SLC39A11: variants seen among roughly 807,000 people sequenced by gnomAD.
SLC39A11 encodes zinc transporter ZIP11.
A neutral mutation model predicts 36.1 loss-of-function variants in SLC39A11; 33 were observed. The ratio of observed to expected loss-of-function variants is 0.91; its 90% CI spans 0.69 to 1.22. The LOEUF (loss-of-function observed/expected upper bound fraction) is 1.22, where lower values mean the gene tolerates loss of function less well. Ranked by LOEUF, SLC39A11 falls within the 50% of genes most tolerant of loss-of-function variation. SLC39A11 has a pLI of 0.00. For missense variants in SLC39A11, 432 were observed against 430.3 expected (o/e 1.00, Z -0.03); for synonymous variants, 166 against 170.3 (o/e 0.97, Z 0.20).
chr17:72,820,300 C>G (rs2077724324), intron 6 of SLC39A11, among the ~76,000 whole-genome samples: 2 of 151,360 alleles, frequency 1.3e-5, no homozygotes, highest in South Asian at 4.2e-4. Flanking sequence ...GTTGTGCCCC[C>G]AGGGTCACAT....
intron 4 of SLC39A11, among the ~76,000 whole-genome samples, chr17:72,959,325 GTATATATATATATATATA>G (rs1186282631): frequency 3.1e-5 from 2 of 65,548 alleles, no homozygotes; most frequent in African/African-American, 1.4e-4. Flanking sequence ...GTGTGTGTGT[GTATATATATATATATATA>G]TATATATATA....
At chr17:72,725,957 G>A (rs2073914337) in intron 7 of SLC39A11, among the ~76,000 whole-genome samples, 1 of 152,232 alleles carries the variant, frequency 6.6e-6, no homozygotes, top group African/African-American at 2.4e-5. Context: ...TGGGGACAGT[G>A]GGATCAAGAT....
At chr17:72,944,091 A>T (rs2085278462) in intron 5 of SLC39A11, among the ~76,000 whole-genome samples, 1 of 152,184 alleles carries the variant, frequency 6.6e-6, no homozygotes. Context: ...CAATCAGATC[A>T]CACCTCATTA....
At chr17:73,031,467 A>G in intron 4 of SLC39A11, 89 bp downstream of exon 4, 1 of 1,396,150 alleles carries the variant, frequency 7.2e-7, no homozygotes, top group African/African-American at 1.4e-5. Flanking sequence ...AGAGACATTA[A>G]CAGGTATGTC....
At chr17:72,729,447 A>T (rs1321016460) in intron 7 of SLC39A11, among the ~76,000 whole-genome samples, 1,506 of 3,960 alleles carry the variant, frequency 0.38, 252 homozygotes, top group Non-Finnish European at 0.41. Context: ...ATATATATAT[A>T]TATATATATA....
chr17:73,057,198 T>C (rs1282094404), intron 3 of SLC39A11, among the ~76,000 whole-genome samples: 1 of 152,156 alleles, frequency 6.6e-6, no homozygotes, highest in East Asian at 1.9e-4. Flanking sequence ...ACTCCTGGGC[T>C]CAAGCCACGC....
chr17:72,938,541 A>C (rs2084909966), intron 5 of SLC39A11, among the ~76,000 whole-genome samples: 1 of 152,192 alleles, frequency 6.6e-6, no homozygotes, highest in African/African-American at 2.4e-5. Flanking sequence ...CCAAGCACTC[A>C]AAACCAACGT....
At chr17:72,890,468 AAG>A (rs1031532124) in intron 5 of SLC39A11, among the ~76,000 whole-genome samples, 1 of 152,162 alleles carries the variant, frequency 6.6e-6, no homozygotes, top group Non-Finnish European at 1.5e-5. Flanking sequence ...AGAAAAGGAA[AAG>A]AGAGAAATGA....
At chr17:72,861,657 T>TTATATATATATATATATATATATATA (rs373265286) in intron 5 of SLC39A11, among the ~76,000 whole-genome samples, 8 of 50,954 alleles carry the variant, frequency 1.6e-4, no homozygotes, top group East Asian at 1.5e-3. Flanking sequence ...ATACAACACA[T>TTATATATATATATATATATATATATA]TATATATATA....
intron 4 of SLC39A11, among the ~76,000 whole-genome samples, chr17:72,952,091 C>T (rs1188326503): frequency 1.3e-5 from 2 of 152,100 alleles, no homozygotes; most frequent in South Asian, 2.1e-4. Context: ...CCATGTGCTC[C>T]CTCCAACATT....
chr17:72,898,215 G>A (rs986173463), intron 5 of SLC39A11, among the ~76,000 whole-genome samples: 26 of 152,274 alleles, frequency 1.7e-4, no homozygotes, highest in South Asian at 8.3e-4. Context: ...ACATAGACAC[G>A]TGGAAGGAAA....
intron 6 of SLC39A11, among the ~76,000 whole-genome samples, chr17:72,822,846 C>A (rs1055646273): frequency 6.6e-6 from 1 of 151,058 alleles, no homozygotes; most frequent in African/African-American, 2.4e-5. Flanking sequence ...TCCCAAGTAG[C>A]TGGGACCACA....
intron 4 of SLC39A11, among the ~76,000 whole-genome samples, chr17:72,955,433 G>GT (rs922767925): frequency 6.1e-5 from 9 of 148,650 alleles, no homozygotes; most frequent in Non-Finnish European, 1.0e-4. Flanking sequence ...CTCTCGAGTA[G>GT]TTGGGACTAC....
intron 7 of SLC39A11, among the ~76,000 whole-genome samples, chr17:72,689,602 T>C (rs1183311997): frequency 2.0e-5 from 3 of 152,230 alleles, no homozygotes; most frequent in Non-Finnish European, 2.9e-5. Flanking sequence ...GAGAATATTA[T>C]TCAGCCGAGA....
chr17:72,837,958 G>A, intron 6 of SLC39A11: 1 of 1,230,564 alleles, frequency 8.1e-7, no homozygotes, highest in African/African-American at 1.6e-5. Flanking sequence ...CAAAGAGTGT[G>A]GGGTTTCTTT....
intron 3 of SLC39A11, among the ~76,000 whole-genome samples, chr17:73,062,138 A>C (rs910723978): frequency 3.3e-5 from 5 of 151,974 alleles, no homozygotes; most frequent in African/African-American, 1.2e-4. Flanking sequence ...TTAGTTTGTC[A>C]AACTCATAAT....
At chr17:73,058,131 T>TA (rs2059729852) in intron 3 of SLC39A11, among the ~76,000 whole-genome samples, 1 of 152,004 alleles carries the variant, frequency 6.6e-6, no homozygotes, top group Non-Finnish European at 1.5e-5. Flanking sequence ...GGTCAAGACT[T>TA]AACTTTGTTT....
chr17:72,775,887 C>T (rs1015763414), intron 6 of SLC39A11, among the ~76,000 whole-genome samples: 13 of 152,218 alleles, frequency 8.5e-5, no homozygotes. Flanking sequence ...CGTATCTGCA[C>T]GTATTTCTGA....
intron 5 of SLC39A11, among the ~76,000 whole-genome samples, chr17:72,917,129 G>C (rs980193303): frequency 1.3e-5 from 2 of 152,190 alleles, no homozygotes; most frequent in African/African-American, 4.8e-5. Flanking sequence ...ATTCCATTGA[G>C]ATACCAATGC....
Sources: gnomAD v4.1 joint callset for allele counts (sites outside exome capture counted in the v4.1 genomes callset) on GRCh38, gnomAD v4.1.1 for gene constraint, MANE v1.5 for transcripts, NCBI Gene and HGNC (gene_info 2026-07-23, HGNC 2026-07-21) for gene names.